Variants in NELL2 observed in about 807,000 individuals in gnomAD.
NELL2 encodes protein kinase C-binding protein NELL2.
NELL2 carries 41 observed loss-of-function variants against 109.6 expected under a neutral mutation model. The observed-to-expected ratio is 0.37, with a 90% CI of 0.29 to 0.49. NELL2 has a LOEUF of 0.49. Among genes scored for constraint, NELL2 ranks in the 20% least tolerant of loss-of-function variants. The pLI, the probability that NELL2 is intolerant of heterozygous loss-of-function variation, is 0.98. For synonymous variants in NELL2, 355 were observed against 344.7 expected (o/e 1.03, Z -0.33); for missense variants, 900 against 1,008.3 (o/e 0.89, Z 1.45).
At chr12:44,779,533 T>C in intron 5 of NELL2, 130 bp downstream of exon 5, 1 of 712,554 alleles carries the variant, frequency 1.4e-6, no homozygotes, top group Non-Finnish European at 2.3e-6. Context: ...TTTAAAAAAA[T>C]GAAACAGACA....
At chr12:44,703,230 A>T (rs1243685130) in intron 12 of NELL2, among the ~76,000 whole-genome samples, 1 of 152,212 alleles carries the variant, frequency 6.6e-6, no homozygotes, top group African/African-American at 2.4e-5. Context: ...GATTTTTAAA[A>T]ATTAACTAGA....
intron 12 of NELL2, among the ~76,000 whole-genome samples, chr12:44,692,425 G>C (rs541942356): frequency 2.0e-5 from 3 of 152,146 alleles, no homozygotes; most frequent in Non-Finnish European, 4.4e-5. Flanking sequence ...CAACGCACTA[G>C]GAGATTAATG....
At chr12:44,792,787 T>C (rs11182683) in intron 3 of NELL2, among the ~76,000 whole-genome samples, 30,395 of 152,048 alleles carry the variant, frequency 0.2, 3,322 homozygotes, top group South Asian at 0.3. Flanking sequence ...GCAACATAAA[T>C]TGACAAGAGC....
intron 1 of NELL2, among the ~76,000 whole-genome samples, chr12:44,899,562 C>A (rs572932157): frequency 6.6e-6 from 1 of 152,164 alleles, no homozygotes; most frequent in Non-Finnish European, 1.5e-5. Flanking sequence ...CAAGCAAATG[C>A]TGAGAGATTT....
rs116553045 is a variant in NELL2 at position 44,820,990 on chromosome 12, C to T, written c.185-4854G>A. ...AATGAGAGGAGGATGGAGGGATGGA[C>T]CACAGAAACACTAAGTCAGTAGCAC... On this transcript the variant is annotated intron_variant, in intron 2 of 19. Transcript: ENST00000429094. Among the ~76,000 whole-genome samples the T allele has an allele frequency of 1.3e-3, 193 of 151,444 alleles. 1 individual carries two copies. Among genetic ancestry groups the T allele is most frequent in the African/African-American group, 4.5e-3 (186 of 41,284 alleles).
Position 44,764,219 on chromosome 12 carries a change from T to TAC in NELL2, c.994+10527_994+10528insGT, listed in dbSNP as rs1484227936. 1.5e-3 allele frequency among the ~76,000 whole-genome samples: 227 copies of TAC among 152,336 alleles called. 3 individuals are homozygous for TAC. In the Middle Eastern group the frequency reaches 0.041, roughly 27 times the overall value. Reference sequence around the variant, plus strand: ...CCTTTTACATAGATACTTTTAATTTTAACTCAGTGTGTTTTCTCTATTCTT... The same window carrying TAC: ...CCTTTTACATAGATACTTTTAATTTTACAACTCAGTGTGTTTTCTCTATTCTT... On this transcript the variant is annotated intron_variant, in intron 9 of 19. Coordinates refer to ENST00000429094, the MANE Select transcript of NELL2 (RefSeq NM_001145108.2).
intron 12 of NELL2, among the ~76,000 whole-genome samples, chr12:44,701,354 G>C (rs1488286134): frequency 6.6e-6 from 1 of 151,942 alleles, no homozygotes; most frequent in East Asian, 1.9e-4. Flanking sequence ...ATATTTAAAT[G>C]ACAATTAGTA....
At chr12:44,722,957 G>A (rs1308550575) in intron 9 of NELL2, among the ~76,000 whole-genome samples, 1 of 152,076 alleles carries the variant, frequency 6.6e-6, no homozygotes, top group Non-Finnish European at 1.5e-5. Context: ...GGGAGGCCGA[G>A]GTGGGCAGAT....
intron 12 of NELL2, among the ~76,000 whole-genome samples, chr12:44,687,428 C>T (rs55841784): frequency 0.14 from 20,757 of 152,216 alleles, 1,592 homozygotes; most frequent in East Asian, 0.23. Flanking sequence ...CTTGGCTCCT[C>T]CCCCTCTTTG....
chr12:44,673,833 T>C (rs758329145), intron 12 of NELL2, among the ~76,000 whole-genome samples: 1 of 152,166 alleles, frequency 6.6e-6, no homozygotes, highest in Non-Finnish European at 1.5e-5. Flanking sequence ...AAATATTACA[T>C]GGTCAAATAA....
chr12:44,593,048 G>A (rs562112047), intron 15 of NELL2, among the ~76,000 whole-genome samples: 2 of 152,308 alleles, frequency 1.3e-5, no homozygotes, highest in South Asian at 2.1e-4. Flanking sequence ...AGGGAGATGA[G>A]TCTGTCAGGC....
At chr12:44,756,379 T>C (rs925976787) in intron 9 of NELL2, among the ~76,000 whole-genome samples, 1 of 152,076 alleles carries the variant, frequency 6.6e-6, no homozygotes, top group Non-Finnish European at 1.5e-5. Flanking sequence ...ATTTAAATAT[T>C]GTCTCTTCCT....
intron 1 of NELL2, among the ~76,000 whole-genome samples, chr12:44,900,256 G>A (rs950561142): frequency 2.6e-5 from 4 of 152,056 alleles, no homozygotes; most frequent in African/African-American, 9.7e-5. Context: ...TCAGGACCAA[G>A]CAGACCTAAT....
At chr12:44,769,180 G>A (rs973284773) in intron 9 of NELL2, among the ~76,000 whole-genome samples, 3 of 152,000 alleles carry the variant, frequency 2.0e-5, no homozygotes, top group Non-Finnish European at 4.4e-5. Flanking sequence ...ACATTTTAAG[G>A]TGACAGGACT....
chr12:44,712,924 A>T (rs192730959), intron 10 of NELL2, among the ~76,000 whole-genome samples: 13 of 151,996 alleles, frequency 8.6e-5, no homozygotes, highest in African/African-American at 2.9e-4. Context: ...TCATATTTCT[A>T]TTGGATGGTG....
chr12:44,913,730 C>A, intron 1 of NELL2: 1 of 591,418 alleles, frequency 1.7e-6, no homozygotes, highest in Non-Finnish European at 2.9e-6. Context: ...GTCACTATAC[C>A]CTCCTTAAAG....
intron 15 of NELL2, among the ~76,000 whole-genome samples, chr12:44,562,754 T>C (rs1301070484): frequency 6.6e-6 from 1 of 152,238 alleles, no homozygotes; most frequent in Non-Finnish European, 1.5e-5. Context: ...TGGAAGGCCA[T>C]GTGGCAATTC....
At chr12:44,864,786 G>C (rs1944940550) in intron 2 of NELL2, among the ~76,000 whole-genome samples, 1 of 152,164 alleles carries the variant, frequency 6.6e-6, no homozygotes, top group African/African-American at 2.4e-5. Context: ...AAGTGCACAT[G>C]GAACACACTC....
chr12:44,595,564 C>A (rs1944922582), intron 15 of NELL2, among the ~76,000 whole-genome samples: 2 of 150,712 alleles, frequency 1.3e-5, no homozygotes, highest in Non-Finnish European at 2.9e-5. Flanking sequence ...GTAGCTGGGA[C>A]TACAGGCGCC....
Sources: gnomAD v4.1 joint callset for allele counts (sites outside exome capture counted in the v4.1 genomes callset) on GRCh38, gnomAD v4.1.1 for gene constraint, MANE v1.5 for transcripts, NCBI Gene and HGNC (gene_info 2026-07-23, HGNC 2026-07-21) for gene names.